SLC44A1: variants seen among roughly 807,000 people sequenced by gnomAD.
The protein encoded by SLC44A1 is solute carrier family 44 member 1.
SLC44A1 carries 26 observed loss-of-function variants against 79.3 expected under a neutral mutation model. That is an observed-to-expected ratio of 0.33 (90% confidence interval 0.24 to 0.46). The LOEUF is 0.46. Ranked by LOEUF, SLC44A1 falls within the 20% of genes least tolerant of loss-of-function variation. SLC44A1 has a pLI of 1.00. For synonymous variants in SLC44A1, 263 were observed against 286.2 expected (o/e 0.92, Z 0.82); for missense variants, 688 against 798.1 (o/e 0.86, Z 1.66).
chr9:105,421,997 G>C (rs1194591395), intron 15 of SLC44A1, among the ~76,000 whole-genome samples: 1 of 152,208 alleles, frequency 6.6e-6, no homozygotes, highest in Non-Finnish European at 1.5e-5. Context: ...AGTGACTACA[G>C]TACTGAGCAT....
chr9:105,437,798 G>A (rs778191637), intron 15 of SLC44A1, among the ~76,000 whole-genome samples: 2 of 152,156 alleles, frequency 1.3e-5, no homozygotes, highest in Non-Finnish European at 2.9e-5. Context: ...GTCTTTGAGA[G>A]TACCATAGAA....
intron 2 of SLC44A1, among the ~76,000 whole-genome samples, chr9:105,307,664 G>A (rs1360700358): frequency 6.6e-6 from 1 of 150,846 alleles, no homozygotes; most frequent in Non-Finnish European, 1.5e-5. Context: ...AAAAAAATGT[G>A]TTGGAAAGGT....
exon 16 of SLC44A1, chr9:105,438,466 G>A: frequency 1.8e-6 from 1 of 556,130 alleles, no homozygotes; most frequent in Non-Finnish European, 3.2e-6. Flanking sequence ...TTGGTACAGT[G>A]CGGCTGTCTA....
chr9:105,293,788 A>G (rs985654356), intron 1 of SLC44A1, among the ~76,000 whole-genome samples: 1 of 152,204 alleles, frequency 6.6e-6, no homozygotes, highest in African/African-American at 2.4e-5. Flanking sequence ...TTAGATTAAA[A>G]CATTTTACAG....
At chr9:105,288,716 G>A (rs1191462414) in intron 1 of SLC44A1, among the ~76,000 whole-genome samples, 1 of 152,132 alleles carries the variant, frequency 6.6e-6, no homozygotes, top group Non-Finnish European at 1.5e-5. Flanking sequence ...TTCTAAAAGT[G>A]GTTAACCAAT....
chr9:105,419,098 A>C (rs1473508596), intron 15 of SLC44A1, among the ~76,000 whole-genome samples: 1 of 152,178 alleles, frequency 6.6e-6, no homozygotes, highest in Non-Finnish European at 1.5e-5. Context: ...AAAAGACACA[A>C]AAGAAAAAGA....
rs143855085 is a variant in SLC44A1 at position 105,405,507 on chromosome 9, T to G, written c.1950+20005T>G. Among the ~76,000 whole-genome samples the G allele has an allele frequency of 2.0e-5, 3 of 152,288 alleles. No homozygotes were observed. The East Asian group carries it at 5.8e-4, about 29-fold the overall frequency. On this transcript the variant is annotated intron_variant, in intron 15 of 15. Coordinates refer to the SLC44A1 transcript ENST00000374724. ...CAAATGCTAAATAAAGACATTTCAG[T>G]AAGAGCATTGAGGCATGTTAACTTA...
intron 1 of SLC44A1, among the ~76,000 whole-genome samples, chr9:105,257,331 G>A (rs1829734878): frequency 6.6e-6 from 1 of 152,050 alleles, no homozygotes; most frequent in South Asian, 2.1e-4. Context: ...CCTGACCTCA[G>A]ATGGTCTGCC....
rs1828801171 is a variant in SLC44A1 at position 105,393,052 on chromosome 9, C to T, written c.*3996C>T. The T allele has an allele frequency of 3.0e-5, 30 of 985,232 alleles. No homozygotes were observed. The highest frequency in any genetic ancestry group is 3.6e-5 in the Non-Finnish European group (30 of 829,774). 61.0% of individuals were successfully genotyped at this position (985,232 alleles called of 1,614,324 possible). A position where few individuals can be genotyped will look rare whatever the true frequency, so the allele number is the denominator to read the frequency against. On this transcript the variant is annotated 3_prime_UTR_variant, in exon 16 of 16. Transcript: ENST00000374720. ...ATTTCTGTATTCTTTTCATACATTC[C>T]ATCTGACACATACGAGTGCACTATA...
intron 15 of SLC44A1, among the ~76,000 whole-genome samples, chr9:105,408,715 A>G (rs1829060610): frequency 6.6e-6 from 1 of 152,094 alleles, no homozygotes; most frequent in South Asian, 2.1e-4. Flanking sequence ...CCGGCCTGTC[A>G]CTCACTTTTT....
chr9:105,382,992 C>T, intron 13 of SLC44A1, 131 bp from the exon 14 acceptor site: 1 of 642,784 alleles, frequency 1.6e-6, no homozygotes, highest in East Asian at 2.6e-5. Context: ...ATTATATTTC[C>T]TCATTTGAGA....
At chr9:105,438,130 C>CTGTGTGTGTGTG (rs147203232) in intron 15 of SLC44A1, 332 of 496,120 alleles carry the variant, frequency 6.7e-4, no homozygotes, top group African/African-American at 5.6e-3. Context: ...ATTTGTTAAT[C>CTGTGTGTGTGTG]TGTGTGTGTG....
chr9:105,374,842 T>G, intron 13 of SLC44A1, 107 bp downstream of exon 13: 1 of 794,786 alleles, frequency 1.3e-6, no homozygotes. Flanking sequence ...AAGTAATATA[T>G]AGCGAGTACT....
chr9:105,304,396 CCTTT>C (rs1367155826), intron 2 of SLC44A1, among the ~76,000 whole-genome samples: 1 of 152,108 alleles, frequency 6.6e-6, no homozygotes, highest in Non-Finnish European at 1.5e-5. Flanking sequence ...AAGTCTGTTT[CCTTT>C]CTTTATTTTA....
chr9:105,417,839 C>CAAAAA (rs146589405), intron 15 of SLC44A1, among the ~76,000 whole-genome samples: 12 of 57,844 alleles, frequency 2.1e-4, no homozygotes, highest in Non-Finnish European at 3.4e-4. Context: ...CTCATCCCTA[C>CAAAAA]AAAAAAAAAA....
At chr9:105,316,270 A>G (rs1831322905) in intron 3 of SLC44A1, among the ~76,000 whole-genome samples, 1 of 152,204 alleles carries the variant, frequency 6.6e-6, no homozygotes, top group Non-Finnish European at 1.5e-5. Context: ...TGGGAAGGCC[A>G]TGAGAAAGGT....
chr9:105,251,383 G>A lies in SLC44A1; in HGVS notation c.36+6479G>A, dbSNP rs577338476. Among the ~76,000 whole-genome samples the A allele has an allele frequency of 7.1e-4, 108 of 152,198 alleles. 2 individuals carry two copies. Among genetic ancestry groups the A allele is most frequent in the Admixed American group, 2.9e-3 (45 of 15,286 alleles). On this transcript the variant is annotated intron_variant, in intron 1 of 15. Coordinates refer to ENST00000374720, the MANE Select transcript of SLC44A1 (RefSeq NM_080546.5). ...TGCCAGCACTCCGGTTCAAGCCTCT[G>A]TCATCTCCAGCCCAGTACCTTGGTT...
At chr9:105,254,474 C>T (rs1343129600) in intron 1 of SLC44A1, among the ~76,000 whole-genome samples, 2 of 152,210 alleles carry the variant, frequency 1.3e-5, no homozygotes, top group African/African-American at 4.8e-5. Context: ...ACTTTGCCAG[C>T]AAGGTGGCGG....
Position 105,365,610 on chromosome 9 carries a change from A to T in SLC44A1, c.1381A>T (p.Met461Leu), listed in dbSNP as rs749310821. Reference sequence around the variant, plus strand: ...AGTCAAAATTCCGCGAATGATCCTTATGTATATTCACAGTCAGCTCAAAGG... The same window carrying T: ...AGTCAAAATTCCGCGAATGATCCTTTTGTATATTCACAGTCAGCTCAAAGG... ...TLVKIPRMIL[M>L]YIHSQLKGKE... is the part of the protein sequence containing the mutation. The change falls in exon 11 of 16, where the codon ATG (methionine) becomes TTG (leucine). Residue 461 changes from methionine to leucine, a missense_variant. Coordinates refer to ENST00000374720, the MANE Select transcript of SLC44A1 (RefSeq NM_080546.5). The T allele has an allele frequency of 8.7e-6, 14 of 1,613,870 alleles. No homozygotes were observed. The highest frequency in any genetic ancestry group is 1.2e-5 in the Non-Finnish European group (14 of 1,179,768).
Sources: gnomAD v4.1 joint callset for allele counts (sites outside exome capture counted in the v4.1 genomes callset) on GRCh38, gnomAD v4.1.1 for gene constraint, MANE v1.5 for transcripts, NCBI Gene and HGNC (gene_info 2026-07-23, HGNC 2026-07-21) for gene names.